Variants in P3H2 observed in about 807,000 individuals in gnomAD.
P3H2 encodes leprecan-like 1.
Under a neutral mutation model 87.0 loss-of-function variants are expected in P3H2, and 80 were observed. That is an observed-to-expected ratio of 0.92 (90% CI 0.77 to 1.11). The LOEUF (loss-of-function observed/expected upper bound fraction) is 1.11. P3H2 is among the 50% of genes least tolerant of loss of function. The probability of loss-of-function intolerance (pLI) is 0.00; values close to 1 mark genes in which losing one functional copy is unlikely to be tolerated. For synonymous variants in P3H2, 367 were observed against 359.3 expected (o/e 1.02, Z -0.24); for missense variants, 1,001 against 923.9 (o/e 1.08, Z -1.08).
intron 1 of P3H2, among the ~76,000 whole-genome samples, chr3:190,118,074 C>T (rs778378427): frequency 1.1e-4 from 17 of 152,022 alleles, no homozygotes; most frequent in Non-Finnish European, 2.2e-4. Flanking sequence ...ATCAATTCAC[C>T]ACAAAAATTT....
intron 1 of P3H2, among the ~76,000 whole-genome samples, chr3:190,073,126 C>T (rs1365473889): frequency 6.6e-6 from 1 of 152,182 alleles, no homozygotes; most frequent in Non-Finnish European, 1.5e-5. Flanking sequence ...CAGAATTTGG[C>T]ACTAAAGAAC....
At position 190,029,002 on chromosome 3, in the gene P3H2, C is replaced by A. The variant is rs954470606; in HGVS notation, c.481-33560G>T. ...CAGGAAGCTAAGGTAGAGGTAGAAA[C>A]CCTGAATTTACTACTAATTCAAAAA... On this transcript the variant is annotated intron_variant, in intron 1 of 14. Coordinates refer to ENST00000319332, the MANE Select transcript of P3H2 (RefSeq NM_018192.4). Among the ~76,000 whole-genome samples the A allele has an allele frequency of 2.6e-5, 4 of 152,096 alleles. No individual in the cohort carries two copies. The South Asian group carries it at 8.3e-4, about 32-fold the overall frequency.
chr3:190,055,693 C>T (rs1207311468), intron 1 of P3H2, among the ~76,000 whole-genome samples: 1 of 152,044 alleles, frequency 6.6e-6, no homozygotes, highest in Admixed American at 6.6e-5. Context: ...GAGGCAAGTA[C>T]AAACAAAATA....
chr3:190,047,280 A>G (rs1230556984), intron 1 of P3H2, among the ~76,000 whole-genome samples: 1 of 152,206 alleles, frequency 6.6e-6, no homozygotes, highest in Non-Finnish European at 1.5e-5. Context: ...GTAGAGATAC[A>G]AATCAGTGCA....
chr3:190,009,534 G>C (rs1181713995), intron 1 of P3H2, among the ~76,000 whole-genome samples: 2 of 152,122 alleles, frequency 1.3e-5, no homozygotes, highest in African/African-American at 2.4e-5. Context: ...CGTTGGTAGG[G>C]CATCCCAATA....
At chr3:190,093,380 T>C (rs1204633682) in intron 1 of P3H2, among the ~76,000 whole-genome samples, 1 of 152,046 alleles carries the variant, frequency 6.6e-6, no homozygotes. Flanking sequence ...GCTAAAGAGG[T>C]TGGCCATGAG....
At chr3:189,998,868 A>G (rs1478304671) in intron 1 of P3H2, among the ~76,000 whole-genome samples, 1 of 152,136 alleles carries the variant, frequency 6.6e-6, no homozygotes, top group Non-Finnish European at 1.5e-5. Context: ...ACCTAAGATC[A>G]TCACGCAAGA....
intron 1 of P3H2, among the ~76,000 whole-genome samples, chr3:190,087,543 C>CA (rs1275653964): frequency 0.36 from 24,764 of 68,028 alleles, 3,520 homozygotes; most frequent in Non-Finnish European, 0.41. Context: ...GACTACATCT[C>CA]AAAAAAAAAA....
chr3:190,036,722 G>T (rs528882161), intron 1 of P3H2, among the ~76,000 whole-genome samples: 3 of 152,206 alleles, frequency 2.0e-5, no homozygotes, highest in Admixed American at 1.3e-4. Flanking sequence ...AACAGAATTA[G>T]TTCCCCCAAG....
intron 3 of P3H2, among the ~76,000 whole-genome samples, chr3:189,990,277 G>A (rs1013876042): frequency 6.6e-6 from 1 of 152,082 alleles, no homozygotes; most frequent in Non-Finnish European, 1.5e-5. Flanking sequence ...GGGATGTGAA[G>A]GAAGAATGAG....
chr3:190,066,156 T>TACACACACAC (rs1726493175), intron 1 of P3H2, among the ~76,000 whole-genome samples: 2 of 112,136 alleles, frequency 1.8e-5, no homozygotes, highest in Non-Finnish European at 3.6e-5. Context: ...TATATATATA[T>TACACACACAC]ATACACACAC....
At chr3:190,028,090 T>A (rs921427748) in intron 1 of P3H2, among the ~76,000 whole-genome samples, 4 of 152,186 alleles carry the variant, frequency 2.6e-5, no homozygotes, top group African/African-American at 9.6e-5. Flanking sequence ...TGTCAATAAG[T>A]TCCCTCTATT....
chr3:189,958,719 T>C (rs1369268097), intron 14 of P3H2, among the ~76,000 whole-genome samples: 1 of 149,340 alleles, frequency 6.7e-6, no homozygotes, highest in Non-Finnish European at 1.5e-5. Flanking sequence ...TTTTTTTTTT[T>C]TGAGATGGAA....
intron 1 of P3H2, among the ~76,000 whole-genome samples, chr3:190,007,503 G>C (rs1724424101): frequency 6.6e-6 from 1 of 152,044 alleles, no homozygotes; most frequent in Non-Finnish European, 1.5e-5. Flanking sequence ...ATCTTGACAA[G>C]AGATCTGATC....
At position 189,959,620 on chromosome 3, in the gene P3H2, C is replaced by T. The variant is rs562533110; in HGVS notation, c.2035-1616G>A. Among the ~76,000 whole-genome samples the T allele has an allele frequency of 1.3e-4, 20 of 152,170 alleles. 1 individual carries two copies. Among genetic ancestry groups the T allele is most frequent in the Middle Eastern group, 3.4e-3 (1 of 294 alleles). On this transcript the variant is annotated intron_variant, in intron 14 of 14. Transcript: ENST00000319332. ...TACCTCAAGCTCCCTGAATGTAACA[C>T]TTTCAAAAGAATTCCCTAATCCGAT...
At chr3:189,968,780 C>T (rs983440730) in intron 13 of P3H2, among the ~76,000 whole-genome samples, 4 of 152,126 alleles carry the variant, frequency 2.6e-5, no homozygotes, top group African/African-American at 4.8e-5. Flanking sequence ...TTTTAATGAT[C>T]GCCATTCTAA....
At chr3:189,999,207 G>C (rs1724138326) in intron 1 of P3H2, among the ~76,000 whole-genome samples, 1 of 152,178 alleles carries the variant, frequency 6.6e-6, no homozygotes, top group African/African-American at 2.4e-5. Context: ...AACAAACTGG[G>C]TCCTTTTCTC....
At chr3:190,041,086 TCTCTCTATATATATATATATA>T in intron 1 of P3H2, among the ~76,000 whole-genome samples, 1 of 38,462 alleles carries the variant, frequency 2.6e-5, no homozygotes, top group South Asian at 9.3e-4. Context: ...ACACACTCTC[TCTCTCTATATATATATATATA>T]CTATATATAT....
intron 3 of P3H2, among the ~76,000 whole-genome samples, chr3:189,991,031 G>T (rs1270206725): frequency 6.6e-6 from 1 of 151,928 alleles, no homozygotes; most frequent in Admixed American, 6.6e-5. Context: ...GAATGTGGGC[G>T]TGAAAGCAGG....
Sources: allele counts gnomAD v4.1 joint callset (sites outside exome capture counted in the v4.1 genomes callset), GRCh38; gene constraint gnomAD v4.1.1; transcripts MANE v1.5; gene names NCBI Gene and HGNC (gene_info 2026-07-23, HGNC 2026-07-21).